The following GALNTL6 variants were observed in gnomAD, a reference collection of about 807,000 sequenced individuals.
GALNTL6 encodes polypeptide N-acetylgalactosaminyltransferase-like 6.
In GALNTL6, 46 loss-of-function variants were observed where a neutral mutation model predicts 73.7. The observed-to-expected ratio is 0.62, with a 90% CI of 0.49 to 0.80. The LOEUF (loss-of-function observed/expected upper bound fraction) is 0.80, where lower values mean the gene tolerates loss of function less well. Ranked by LOEUF, GALNTL6 falls within the 30% of genes least tolerant of loss-of-function variation. The pLI, the probability that GALNTL6 is intolerant of heterozygous loss-of-function variation, is 0.00. For synonymous variants in GALNTL6, 259 were observed against 263.7 expected, an observed-to-expected ratio of 0.98 and a Z score of 0.17; for missense variants, 604 against 755.0, an observed-to-expected ratio of 0.80 and a Z score of 2.34.
chr4:172,066,440 T>A (rs985750387), intron 2 of GALNTL6, among the ~76,000 whole-genome samples: 1 of 152,188 alleles, frequency 6.6e-6, no homozygotes, highest in Non-Finnish European at 1.5e-5. Context: ...TTTAGTAAGA[T>A]AAATCTCAAA....
At chr4:172,688,597 TA>T (rs1733072846) in intron 5 of GALNTL6, among the ~76,000 whole-genome samples, 2 of 152,312 alleles carry the variant, frequency 1.3e-5, no homozygotes, top group South Asian at 4.1e-4. Context: ...TCACTAGACA[TA>T]TCATGCTAAA....
chr4:172,173,277 G>C (rs1391604479), intron 2 of GALNTL6, among the ~76,000 whole-genome samples: 1 of 152,204 alleles, frequency 6.6e-6, no homozygotes, highest in African/African-American at 2.4e-5. Context: ...CTTTTAAAGT[G>C]AGTCTTAAAT....
At chr4:172,027,561 C>G (rs886941836) in intron 2 of GALNTL6, among the ~76,000 whole-genome samples, 4 of 152,100 alleles carry the variant, frequency 2.6e-5, no homozygotes, top group African/African-American at 9.6e-5. Context: ...TTCCTTGAGA[C>G]CAACGATACT....
chr4:172,788,983 G>A (rs1739840127), intron 5 of GALNTL6, among the ~76,000 whole-genome samples: 1 of 152,126 alleles, frequency 6.6e-6, no homozygotes, highest in Non-Finnish European at 1.5e-5. Context: ...TTTTTCCTCT[G>A]CCCTCACACC....
intron 10 of GALNTL6, among the ~76,000 whole-genome samples, chr4:173,003,182 A>G (rs1304344108): frequency 6.6e-6 from 1 of 152,192 alleles, no homozygotes; most frequent in Non-Finnish European, 1.5e-5. Context: ...AGAAGATGTC[A>G]AAGGGCTGGG....
chr4:172,918,545 C>A (rs892456357), intron 8 of GALNTL6, among the ~76,000 whole-genome samples: 2 of 152,188 alleles, frequency 1.3e-5, no homozygotes, highest in Admixed American at 6.5e-5. Context: ...CTTCCCCCAA[C>A]ACACACATTC....
At chr4:172,761,943 C>A (rs1738131299) in intron 5 of GALNTL6, among the ~76,000 whole-genome samples, 1 of 152,184 alleles carries the variant, frequency 6.6e-6, no homozygotes, top group African/African-American at 2.4e-5. Context: ...GGATCTTCAA[C>A]CTGATCAAAC....
intron 2 of GALNTL6, among the ~76,000 whole-genome samples, chr4:171,945,703 T>C (rs1474988841): frequency 1.3e-5 from 2 of 152,132 alleles, no homozygotes; most frequent in Non-Finnish European, 2.9e-5. Flanking sequence ...GAAGAGCTTA[T>C]AAAACATGCA....
intron 5 of GALNTL6, among the ~76,000 whole-genome samples, chr4:172,650,492 T>C (rs886503167): frequency 3.3e-5 from 5 of 152,136 alleles, no homozygotes; most frequent in Non-Finnish European, 7.4e-5. Flanking sequence ...TACTTAGCAT[T>C]AGTGAGATCA....
intron 5 of GALNTL6, among the ~76,000 whole-genome samples, chr4:172,466,477 A>G (rs1440262208): frequency 6.6e-6 from 1 of 152,196 alleles, no homozygotes; most frequent in Non-Finnish European, 1.5e-5. Flanking sequence ...GCTGGAGTTG[A>G]CAAGTACAGC....
intron 4 of GALNTL6, among the ~76,000 whole-genome samples, chr4:172,342,911 A>T (rs1741620537): frequency 6.6e-6 from 1 of 152,192 alleles, no homozygotes; most frequent in African/African-American, 2.4e-5. Flanking sequence ...TCATCTAATT[A>T]CTAGCTTGAT....
At position 171,967,450 on chromosome 4, in the gene GALNTL6, T is replaced by TTTTGTTTTTTG. The variant is rs1553976654; in HGVS notation, c.138+152735_138+152736insGTTTTTTGTTT. Among the ~76,000 whole-genome samples, 375 of 133,382 alleles carry TTTTGTTTTTTG rather than the reference T, an allele frequency of 2.8e-3. 8 individuals are homozygous for TTTTGTTTTTTG. The highest frequency in any genetic ancestry group is 0.011 in the African/African-American group (338 of 30,546). The allele number at this position is 133,382 out of a possible 152,430, so 87.5% of individuals were successfully genotyped here. On this transcript the variant is annotated intron_variant, in intron 2 of 12. Transcript: ENST00000506823. The stretch of plus-strand genomic sequence containing the variant: ...TGTAGTTTTCTTCCCCCTATGGGTT[T>TTTTGTTTTTTG]TTTTTTTTTTTTTTTGTAGATGTAG...
Position 171,814,652 on chromosome 4 carries a change from C to T in GALNTL6, c.72C>T (p.Asn24=), listed in dbSNP as rs769869691. 1.1e-5 allele frequency: 17 copies of T among 1,614,100 alleles called. No individual in the cohort carries two copies. Among genetic ancestry groups the T allele is most frequent in the Admixed American group, 6.7e-5 (4 of 60,012 alleles). Residue 24 remains asparagine, a synonymous_variant, in exon 2 of 13, where the codon AAC becomes AAT. Coordinates refer to ENST00000506823, the MANE Select transcript of GALNTL6 (RefSeq NM_001034845.3). ...LFTVALIFLP[N]VGLWSLYKDK... ...CGGTGGCTTTAATTTTCCTGCCTAA[C>T]GTTGGTCTCTGGTCTCTGTACAAGG...
intron 2 of GALNTL6, among the ~76,000 whole-genome samples, chr4:172,192,671 C>T (rs1339521469): frequency 1.3e-5 from 2 of 152,136 alleles, no homozygotes; most frequent in African/African-American, 4.8e-5. Context: ...CTGTGCAACT[C>T]GCCCATCAGG....
intron 2 of GALNTL6, among the ~76,000 whole-genome samples, chr4:171,896,023 A>C (rs2110934511): frequency 6.6e-6 from 1 of 152,242 alleles, no homozygotes; most frequent in Non-Finnish European, 1.5e-5. Context: ...AAAGTAAATA[A>C]ACAGAGCCTC....
chr4:171,883,855 G>A (rs1288840973), intron 2 of GALNTL6, among the ~76,000 whole-genome samples: 3 of 151,898 alleles, frequency 2.0e-5, no homozygotes, highest in African/African-American at 7.2e-5. Flanking sequence ...CTCCGTGTTG[G>A]TCAGGGTGGT....
At chr4:172,237,704 G>A (rs960582174) in intron 3 of GALNTL6, among the ~76,000 whole-genome samples, 5 of 151,924 alleles carry the variant, frequency 3.3e-5, no homozygotes, top group Non-Finnish European at 5.9e-5. Context: ...TTTTCTTCAA[G>A]GATTTTATAA....
At chr4:172,905,880 C>T (rs114055369) in intron 8 of GALNTL6, among the ~76,000 whole-genome samples, 1,263 of 113,556 alleles carry the variant, frequency 0.011, 13 homozygotes, top group African/African-American at 0.036. Flanking sequence ...TTATCCTTAA[C>T]AAAACTGGAA....
intron 6 of GALNTL6, 147 bp from the exon 7 acceptor site, chr4:172,813,393 G>A: frequency 1.9e-6 from 1 of 533,976 alleles, no homozygotes; most frequent in Non-Finnish European, 3.3e-6. Flanking sequence ...AGAATTCAGA[G>A]ATTCCTGAAA....
Sources: allele counts gnomAD v4.1 joint callset (sites outside exome capture counted in the v4.1 genomes callset), GRCh38; gene constraint gnomAD v4.1.1; transcripts MANE v1.5; gene names NCBI Gene and HGNC (gene_info 2026-07-23, HGNC 2026-07-21).